CRHBP: variants seen among roughly 807,000 people sequenced by gnomAD.
The protein encoded by CRHBP is corticotropin-releasing hormone-binding protein.
A neutral mutation model predicts 34.9 loss-of-function variants in CRHBP; 19 were observed. The observed-to-expected ratio is 0.55, with a 90% CI of 0.38 to 0.80. The LOEUF (loss-of-function observed/expected upper bound fraction) is 0.80. Ranked by LOEUF, CRHBP falls within the 30% of genes least tolerant of loss-of-function variation. The pLI, the probability that CRHBP is intolerant of heterozygous loss-of-function variation, is 0.00. For synonymous variants in CRHBP, 154 were observed against 153.4 expected (o/e 1.00, Z -0.03); for missense variants, 328 against 409.2 (o/e 0.80, Z 1.71).
Position 76,968,322 on chromosome 5 carries a change from C to T in CRHBP, c.812-406C>T, listed in dbSNP as rs112839940. Among the ~76,000 whole-genome samples, 193 of 151,808 alleles carry T rather than the reference C, an allele frequency of 1.3e-3. 2 individuals carry two copies. The highest frequency in any genetic ancestry group is 3.8e-3 in the African/African-American group (159 of 41,396). On this transcript the variant is annotated intron_variant, in intron 6 of 6. Coordinates refer to ENST00000274368, the MANE Select transcript of CRHBP (RefSeq NM_001882.4). ...ACCAAAAACTGCCACTGCAAATTTC[C>T]GACCTGTCCTTAGAGGGCCGTACTG...
intron 5 of CRHBP, 99 bp downstream of exon 5, chr5:76,958,988 G>T (rs140991323): frequency 8.7e-6 from 11 of 1,264,142 alleles, no homozygotes; most frequent in Non-Finnish European, 1.2e-5. Context: ...GCAAATTGGC[G>T]TAGTACGTTG....
At chr5:76,966,701 G>A (rs1182444924) in intron 6 of CRHBP, among the ~76,000 whole-genome samples, 2 of 152,022 alleles carry the variant, frequency 1.3e-5, no homozygotes, top group East Asian at 3.9e-4. Context: ...AGCATGAATT[G>A]ACCTTAAGTT....
Position 76,968,954 on chromosome 5 carries a change from A to T in CRHBP, c.*69A>T. 1 of 1,552,712 alleles carries T rather than the reference A, an allele frequency of 6.4e-7. No homozygotes were observed. Among genetic ancestry groups the T allele is most frequent in the Non-Finnish European group, 8.8e-7 (1 of 1,139,678 alleles). ...TTAATGGCCATTGTGTATGATTTTGATGCACAACTAGTTAAAAGCCTTTCA... is the reference window on the plus strand; with the variant it reads ...TTAATGGCCATTGTGTATGATTTTGTTGCACAACTAGTTAAAAGCCTTTCA... On this transcript the variant is annotated 3_prime_UTR_variant, in exon 7 of 7. Coordinates refer to ENST00000274368, the MANE Select transcript of CRHBP (RefSeq NM_001882.4).
At chr5:76,974,362 G>A (rs1033671431), downstream of CRHBP, among the ~76,000 whole-genome samples, 8 of 151,588 alleles carry the variant, frequency 5.3e-5, no homozygotes, top group African/African-American at 1.9e-4. Flanking sequence ...CTATTGGCCA[G>A]GCTGGTCTCA....
At chr5:76,974,205 C>T (rs1049794155), downstream of CRHBP, among the ~76,000 whole-genome samples, 21 of 150,918 alleles carry the variant, frequency 1.4e-4, no homozygotes, top group South Asian at 4.2e-4. Context: ...TTAGTAGAGA[C>T]GGGGTTTCAC....
At position 76,954,196 on chromosome 5, in the gene CRHBP, C is replaced by T. The variant is rs1405849358; in HGVS notation, c.333+10C>T. 1.2e-6 allele frequency: 2 copies of T among 1,609,956 alleles called. No individual in the cohort carries two copies. Among genetic ancestry groups the T allele is most frequent in the African/African-American group, 1.3e-5 (1 of 74,764 alleles). On this transcript the variant is annotated intron_variant, in intron 3 of 6. Transcript: ENST00000274368. Reference sequence around the variant, plus strand: ...CGGCGACTTCCTGAAGGTGAGGCGCCCACGGCCAGCCAACCTAGCCGGAGG... The same window carrying T: ...CGGCGACTTCCTGAAGGTGAGGCGCTCACGGCCAGCCAACCTAGCCGGAGG...
At chr5:76,955,906 C>T (rs757643073) in intron 4 of CRHBP, 43 bp downstream of exon 4, 94 of 1,558,124 alleles carry the variant, frequency 6.0e-5, no homozygotes, top group Non-Finnish European at 7.6e-5. Context: ...GATATAGACC[C>T]GCTTTTTGAA....
At chr5:76,979,990 G>C (rs1264586017) in intron 3 of CRHBP, among the ~76,000 whole-genome samples, 1 of 148,490 alleles carries the variant, frequency 6.7e-6, no homozygotes, top group Non-Finnish European at 1.5e-5. Context: ...GGTGGCTCAC[G>C]CCTGTAATGC....
chr5:76,956,795 A>G (rs1745677783), intron 4 of CRHBP, among the ~76,000 whole-genome samples: 1 of 152,226 alleles, frequency 6.6e-6, no homozygotes, highest in African/African-American at 2.4e-5. Flanking sequence ...ATCTGTTTAA[A>G]AAATTAGAAA....
chr5:76,975,803 C>T lies in CRHBP; in HGVS notation n.312-562C>T, dbSNP rs1413325658. Among the ~76,000 whole-genome samples the T allele has an allele frequency of 1.4e-3, 49 of 35,224 alleles. 4 individuals carry two copies. Among genetic ancestry groups the T allele is most frequent in the African/African-American group, 6.0e-3 (47 of 7,790 alleles). 23.1% of individuals were successfully genotyped at this position (35,224 alleles called of 152,430 possible). The stretch of plus-strand genomic sequence containing the variant: ...TGGGCAACAGAGCGAGACTCTGTCT[C>T]AAAAAAAAAAAAAAAAAAAAAAATA... On this transcript the variant is annotated intron_variant and non_coding_transcript_variant, in intron 2 of 3. Coordinates refer to the CRHBP transcript ENST00000514258.
intron 5 of CRHBP, among the ~76,000 whole-genome samples, chr5:76,960,842 G>C (rs1340888479): frequency 6.6e-6 from 1 of 151,472 alleles, no homozygotes; most frequent in African/African-American, 2.4e-5. Context: ...TCGGCTCACT[G>C]CAACCTCTGC....
In CRHBP at chr5:76,953,678, G is replaced by C. The variant is rs78115247; in HGVS notation, c.159G>C (p.Pro53=). 6.8e-6 allele frequency: 11 copies of C among 1,608,996 alleles called. No individual in the cohort carries two copies. Among genetic ancestry groups the C allele is most frequent in the Non-Finnish European group, 9.3e-6 (11 of 1,177,978 alleles). Residue 53 remains proline (P), a synonymous_variant, in exon 2 of 7, where the codon CCG becomes CCC. Coordinates refer to ENST00000274368, the MANE Select transcript of CRHBP (RefSeq NM_001882.4). ...AGCGGGAGCTGGCTGGGGAGCAGCC[G>C]TACCGCCGCGCTCTGCGTGAGTCGA... ...NLKRELAGEQ[P]YRRALRCLDM...
At chr5:76,955,030 ACT>A (rs1481028107) in intron 3 of CRHBP, among the ~76,000 whole-genome samples, 2 of 152,076 alleles carry the variant, frequency 1.3e-5, no homozygotes, top group Non-Finnish European at 1.5e-5. Context: ...AAGTCAATAG[ACT>A]CTGACCCTTT....
intron 6 of CRHBP, 84 bp downstream of exon 6, chr5:76,963,544 A>T: frequency 7.9e-7 from 1 of 1,268,678 alleles, no homozygotes; most frequent in Admixed American, 2.1e-5. Flanking sequence ...CTACATTGGA[A>T]GGTGAGTTTC....
rs907913115 is a variant in CRHBP, at chr5:76,969,001, T to C, written c.*116T>C. ...TTCATACCAGTCAGTATTCCCAGCC[T>C]TGAGCGCACGCGCGCACACACACAC... On this transcript the variant is annotated 3_prime_UTR_variant, in exon 7 of 7. Transcript: ENST00000274368. The C allele has an allele frequency of 2.4e-6, 3 of 1,230,870 alleles. No individual in the cohort carries two copies. The African/African-American group carries it at 4.5e-5, about 19-fold the overall frequency. The allele number at this position is 1,230,870 out of a possible 1,614,324, so 76.2% of individuals were successfully genotyped here.
chr5:76,955,892 T>G (rs1745661042), intron 4 of CRHBP, 29 bp downstream of exon 4: 1 of 1,600,950 alleles, frequency 6.2e-7, no homozygotes, highest in South Asian at 1.1e-5. Flanking sequence ...AAGGCAGAAC[T>G]TCGGATATAG....
chr5:76,975,829 T>A (rs1202367743), intron 2 of CRHBP, among the ~76,000 whole-genome samples: 899 of 76,238 alleles, frequency 0.012, 16 homozygotes, highest in African/African-American at 0.039. Flanking sequence ...AAAAAAAATA[T>A]ATATATATAT....
rs1038241887 is a variant in CRHBP, at chr5:76,953,920, G to T, written c.176-109G>T. On this transcript the variant is annotated intron_variant, in intron 2 of 6. Coordinates refer to ENST00000274368, the MANE Select transcript of CRHBP (RefSeq NM_001882.4). ...CGCAGCCTAGGCTGGAAGTCGGGGC[G>T]CTGGGCACTACAGAGCCCGGGAATG... The T allele has an allele frequency of 9.6e-6, 13 of 1,358,156 alleles. No individual in the cohort carries two copies. In the African/African-American group the frequency reaches 1.3e-4, roughly 14 times the overall value. 84.1% of individuals were successfully genotyped at this position (1,358,156 alleles called of 1,614,324 possible).
chr5:76,959,655 A>G (rs530522223), intron 5 of CRHBP, among the ~76,000 whole-genome samples: 112 of 152,366 alleles, frequency 7.4e-4, no homozygotes, highest in Non-Finnish European at 1.2e-3. Flanking sequence ...GTGAAAACCA[A>G]ATAAATAGAA....
Sources: gnomAD v4.1 joint callset for allele counts (sites outside exome capture counted in the v4.1 genomes callset) on GRCh38, gnomAD v4.1.1 for gene constraint, MANE v1.5 for transcripts, NCBI Gene and HGNC (gene_info 2026-07-23, HGNC 2026-07-21) for gene names.